Variants in ADAMTS12 observed in about 807,000 individuals in gnomAD.
ADAMTS12 encodes the protein A disintegrin and metalloproteinase with thrombospondin motifs 12.
In ADAMTS12, 118 loss-of-function variants were observed where a neutral mutation model predicts 167.8. The observed-to-expected ratio is 0.70, with a 90% CI of 0.61 to 0.82. ADAMTS12 has a LOEUF of 0.82. ADAMTS12 is among the 40% of genes least tolerant of loss of function. The probability of loss-of-function intolerance (pLI) is 0.00; values close to 1 mark genes in which losing one functional copy is unlikely to be tolerated. For synonymous variants in ADAMTS12, 704 were observed against 716.9 expected, an observed-to-expected ratio of 0.98 and a Z score of 0.29; for missense variants, 1,916 against 1,998.8, an observed-to-expected ratio of 0.96 and a Z score of 0.79.
chr5:33,641,810 T>G lies in ADAMTS12; in HGVS notation c.1718A>C (p.Glu573Ala). ...QSAERLCNNPEPKFGGKYCTG... is the reference protein window; with the variant it reads ...QSAERLCNNPAPKFGGKYCTG... ...GGGAAATATATTTATCTGGACTCAC[T>G]CGGGGTTGTTGCAGAGCCTCTCTGC... The change falls in exon 11 of 24, where the codon GAG (glutamate) becomes GCG (alanine). Residue 573 changes from glutamate (E) to alanine (A), a missense_variant and splice_region_variant. By Grantham distance (107) the Glu-to-Ala change is moderately radical (BLOSUM62 -1). Transcript: ENST00000504830. 6.2e-7 allele frequency: 1 copy of G among 1,607,042 alleles called. No homozygotes were observed. Among genetic ancestry groups the G allele is most frequent in the Non-Finnish European group, 8.5e-7 (1 of 1,175,256 alleles).
At chr5:33,584,932 GA>G (rs1747262623) in intron 18 of ADAMTS12, among the ~76,000 whole-genome samples, 1 of 152,172 alleles carries the variant, frequency 6.6e-6, no homozygotes, top group Non-Finnish European at 1.5e-5. Flanking sequence ...TACAAGGCCA[GA>G]ACTAAGATGG....
chr5:33,539,685 G>A lies in ADAMTS12; in HGVS notation c.4447-4693C>T, dbSNP rs867746634. Reference sequence around the variant, plus strand: ...AAACCGAAGTATCCAGAAACATACTGTAAATCAATGAATGCACTGAATATT... The same window carrying A: ...AAACCGAAGTATCCAGAAACATACTATAAATCAATGAATGCACTGAATATT... On this transcript the variant is annotated intron_variant, in intron 22 of 23. Coordinates refer to ENST00000504830, the MANE Select transcript of ADAMTS12 (RefSeq NM_030955.4). Among the ~76,000 whole-genome samples the A allele has an allele frequency of 2.0e-5, 3 of 152,168 alleles. No individual in the cohort carries two copies. In the South Asian group the frequency reaches 6.2e-4, roughly 32 times the overall value.
intron 2 of ADAMTS12, among the ~76,000 whole-genome samples, chr5:33,759,406 A>T (rs887177913): frequency 6.6e-6 from 1 of 152,232 alleles, no homozygotes; most frequent in African/African-American, 2.4e-5. Flanking sequence ...CAGCATTAAC[A>T]AGCAGTTTTT....
At chr5:33,876,480 A>G (rs1377749398) in intron 2 of ADAMTS12, among the ~76,000 whole-genome samples, 1 of 152,210 alleles carries the variant, frequency 6.6e-6, no homozygotes, top group African/African-American at 2.4e-5. Context: ...ACATCCAGCT[A>G]ATTTTTTACA....
At chr5:33,782,484 A>G (rs1449649694) in intron 2 of ADAMTS12, among the ~76,000 whole-genome samples, 1 of 152,118 alleles carries the variant, frequency 6.6e-6, no homozygotes. Context: ...CTCAATTCAA[A>G]AAACAGAGAT....
Position 33,867,036 on chromosome 5 carries a change from T to C in ADAMTS12, c.489+14083A>G, listed in dbSNP as rs189476311. Among the ~76,000 whole-genome samples the C allele has an allele frequency of 8.5e-5, 13 of 152,250 alleles. No individual in the cohort carries two copies. The East Asian group carries it at 1.7e-3, about 20-fold the overall frequency. On this transcript the variant is annotated intron_variant, in intron 2 of 23. Coordinates refer to ENST00000504830, the MANE Select transcript of ADAMTS12 (RefSeq NM_030955.4). ...GGAATGTAAATTAGTAAAACCTCTATGGAAAACAGTATGGAAATTTCCTAA... is the reference window on the plus strand; with the variant it reads ...GGAATGTAAATTAGTAAAACCTCTACGGAAAACAGTATGGAAATTTCCTAA...
rs554353693 is a variant in ADAMTS12 at position 33,764,564 on chromosome 5, G to A, written c.490-13016C>T. On this transcript the variant is annotated intron_variant, in intron 2 of 23. Transcript: ENST00000504830. ...CCAGCACTCCAATGCCATCAGCTTT[G>A]GAAAAATAACATAGTGGAAAAAGAA... Among the ~76,000 whole-genome samples the A allele has an allele frequency of 3.9e-5, 6 of 152,196 alleles. No individual in the cohort carries two copies. In the East Asian group the frequency reaches 1.2e-3, roughly 29 times the overall value.
At chr5:33,843,678 A>C (rs1748833442) in intron 2 of ADAMTS12, among the ~76,000 whole-genome samples, 1 of 152,214 alleles carries the variant, frequency 6.6e-6, no homozygotes, top group Admixed American at 6.5e-5. Context: ...CCTCTTATCC[A>C]CAGAGGATAT....
At chr5:33,734,032 CACA>C (rs1193832088) in intron 3 of ADAMTS12, among the ~76,000 whole-genome samples, 1 of 146,884 alleles carries the variant, frequency 6.8e-6, no homozygotes, top group East Asian at 2.2e-4. Context: ...CACACACACA[CACA>C]CACACACACA....
intron 19 of ADAMTS12, among the ~76,000 whole-genome samples, chr5:33,568,793 T>C (rs897982656): frequency 6.6e-6 from 1 of 152,218 alleles, no homozygotes; most frequent in African/African-American, 2.4e-5. Context: ...GGGCGAGGTA[T>C]TGCCTCACTC....
chr5:33,858,642 A>G (rs2111679721), intron 2 of ADAMTS12, among the ~76,000 whole-genome samples: 2 of 149,266 alleles, frequency 1.3e-5, no homozygotes, highest in East Asian at 3.9e-4. Flanking sequence ...TGGGTCACAG[A>G]GCAAGACATC....
intron 17 of ADAMTS12, among the ~76,000 whole-genome samples, chr5:33,593,914 ACCT>A (rs1747774397): frequency 1.3e-5 from 2 of 152,300 alleles, no homozygotes; most frequent in South Asian, 4.1e-4. Flanking sequence ...ATTTCTCTGA[ACCT>A]TTATCTCCTC....
chr5:33,816,158 C>G (rs1316317032), intron 2 of ADAMTS12, among the ~76,000 whole-genome samples: 3 of 149,672 alleles, frequency 2.0e-5, no homozygotes, highest in African/African-American at 7.4e-5. Flanking sequence ...TTATATTTTC[C>G]TCACCTTCAG....
At chr5:33,654,331 G>A (rs1209702070) in intron 7 of ADAMTS12, among the ~76,000 whole-genome samples, 1 of 152,036 alleles carries the variant, frequency 6.6e-6, no homozygotes, top group Non-Finnish European at 1.5e-5. Flanking sequence ...GAGATATTCT[G>A]GTTCTTGGTA....
chr5:33,639,096 G>A lies in ADAMTS12; in HGVS notation c.1719-1350C>T, dbSNP rs550990778. Among the ~76,000 whole-genome samples the A allele has an allele frequency of 8.5e-4, 129 of 151,964 alleles. No homozygotes were observed. In the Middle Eastern group the frequency reaches 0.017, roughly 20 times the overall value. On this transcript the variant is annotated intron_variant, in intron 11 of 23. Coordinates refer to ENST00000504830, the MANE Select transcript of ADAMTS12 (RefSeq NM_030955.4). ...TTTCTCTGAGCCTCAGTTTTTTTTC[G>A]TTTGTAAAATGAGCATAATAGTTTT...
At chr5:33,638,615 G>T (rs1366552841) in intron 11 of ADAMTS12, among the ~76,000 whole-genome samples, 1 of 152,094 alleles carries the variant, frequency 6.6e-6, no homozygotes, top group Non-Finnish European at 1.5e-5. Context: ...TCCACCAGCA[G>T]TAATTTTTTT....
At chr5:33,827,710 AATAGATAG>A (rs60023282) in intron 2 of ADAMTS12, among the ~76,000 whole-genome samples, 12,835 of 98,898 alleles carry the variant, frequency 0.13, 690 homozygotes, top group South Asian at 0.24. Flanking sequence ...GAGAAAACAA[AATAGATAG>A]ATAGATAGAT....
chr5:33,758,354 T>A (rs973406058), intron 2 of ADAMTS12, among the ~76,000 whole-genome samples: 2 of 151,994 alleles, frequency 1.3e-5, no homozygotes, highest in Non-Finnish European at 2.9e-5. Flanking sequence ...GTGGCAGTGA[T>A]CCTGAGCCAT....
At chr5:33,580,272 G>T (rs1043520495) in intron 18 of ADAMTS12, among the ~76,000 whole-genome samples, 1 of 152,184 alleles carries the variant, frequency 6.6e-6, no homozygotes, top group Non-Finnish European at 1.5e-5. Flanking sequence ...CATGGGTGGG[G>T]AGGCCTCAGG....
Sources: gnomAD v4.1 joint callset for allele counts (sites outside exome capture counted in the v4.1 genomes callset) on GRCh38, gnomAD v4.1.1 for gene constraint, MANE v1.5 for transcripts, NCBI Gene and HGNC (gene_info 2026-07-23, HGNC 2026-07-21) for gene names.